The following ACTR1B variants were observed in gnomAD, a reference collection of about 807,000 sequenced individuals.
ACTR1B encodes the protein beta-centractin.
ACTR1B carries 34 observed loss-of-function variants against 49.4 expected under a neutral mutation model. The ratio of observed to expected loss-of-function variants is 0.69; its 90% CI spans 0.52 to 0.92. ACTR1B has a LOEUF of 0.92. Among genes scored for constraint, ACTR1B ranks in the 40% least tolerant of loss-of-function variants. The pLI, the probability that ACTR1B is intolerant of heterozygous loss-of-function variation, is 0.00. For synonymous variants in ACTR1B, 207 were observed against 207.8 expected, an observed-to-expected ratio of 1.00 and a Z score of 0.03; for missense variants, 471 against 522.4, an observed-to-expected ratio of 0.90 and a Z score of 0.96.
At chr2:97,657,585 G>T in intron 8 of ACTR1B, 76 bp from the exon 9 acceptor site, 1 of 1,458,592 alleles carries the variant, frequency 6.9e-7, no homozygotes. Context: ...CCAGCCTTCA[G>T]GGCCCCCAGC....
At chr2:97,660,272 C>T (rs759415125) in intron 3 of ACTR1B, among the ~76,000 whole-genome samples, 7 of 152,238 alleles carry the variant, frequency 4.6e-5, no homozygotes, top group African/African-American at 1.4e-4. Flanking sequence ...GGCCCCATGG[C>T]CCTCATTAGA....
At chr2:97,657,563 T>C (rs1175279178) in intron 8 of ACTR1B, 54 bp from the exon 9 acceptor site, 23 of 1,577,728 alleles carry the variant, frequency 1.5e-5, no homozygotes, top group Non-Finnish European at 1.7e-5. Flanking sequence ...TCCTCGCTGC[T>C]AGCTCCCGCA....
At chr2:97,660,426 A>G (rs1200742756) in intron 3 of ACTR1B, 145 bp downstream of exon 3, 3 of 740,110 alleles carry the variant, frequency 4.1e-6, no homozygotes, top group Non-Finnish European at 7.0e-6. Flanking sequence ...GCCCCATCTC[A>G]GGGGGAGGTG....
chr2:97,657,542 T>C (rs1286738333), intron 8 of ACTR1B, 33 bp from the exon 9 acceptor site: 1 of 1,611,396 alleles, frequency 6.2e-7, no homozygotes, highest in African/African-American at 1.3e-5. Flanking sequence ...GCCTGGGGTC[T>C]GCACCCGGCC....
At chr2:97,660,972 G>A (rs1208110963) in intron 2 of ACTR1B, among the ~76,000 whole-genome samples, 2 of 152,170 alleles carry the variant, frequency 1.3e-5, no homozygotes, top group African/African-American at 2.4e-5. Flanking sequence ...TCCTGACTTC[G>A]GTGGGGCAGG....
Position 97,658,111 on chromosome 2 carries a change from GC to G in ACTR1B, c.756del (p.Pro253LeufsTer66). The G allele has an allele frequency of 6.2e-7, 1 of 1,613,914 alleles. No individual in the cohort carries two copies. The highest frequency in any genetic ancestry group is 8.5e-7 in the Non-Finnish European group (1 of 1,180,022). On this transcript the variant is annotated frameshift_variant, in exon 8 of 11. Coordinates refer to ENST00000289228, the MANE Select transcript of ACTR1B (RefSeq NM_005735.4). LOFTEE classifies it high-confidence loss of function. This position sits in a 1 kb window ranked among gnomAD's most constrained non-coding sequence, Gnocchi z 5.9. ...AGCTCGGGGGCCCGGAATCGTGCAGGCCCCACCTTTAGTGTACAAGATTGAG... is the reference window on the plus strand; with the variant it reads ...AGCTCGGGGGCCCGGAATCGTGCAGGCCCACCTTTAGTGTACAAGATTGAG... The part of the protein sequence containing the change: ...TLPDGSTLDV[G>X]PARFRAPELL...
chr2:97,659,325 A>G lies in ACTR1B; in HGVS notation c.315+27T>C, dbSNP rs762989349. 1.9e-6 allele frequency: 3 copies of G among 1,613,448 alleles called. No individual in the cohort carries two copies. The highest frequency in any genetic ancestry group is 2.5e-6 in the Non-Finnish European group (3 of 1,179,920). Reference sequence around the variant, plus strand: ...GAGGGGCATGGCCAGGAGAATGCAGAGCATGCAGGAGGGGCAGCCGCCACA... The same window carrying G: ...GAGGGGCATGGCCAGGAGAATGCAGGGCATGCAGGAGGGGCAGCCGCCACA... On this transcript the variant is annotated intron_variant, in intron 4 of 10. Transcript: ENST00000289228. This position sits in a 1 kb window ranked among gnomAD's most constrained non-coding sequence, Gnocchi z 4.0.
chr2:97,657,362 C>G, intron 9 of ACTR1B, 86 bp downstream of exon 9: 1 of 1,516,840 alleles, frequency 6.6e-7, no homozygotes, highest in Non-Finnish European at 9.2e-7. Context: ...AGCTGGTGAG[C>G]GGGTCTGGGG....
In ACTR1B at chr2:97,657,269, C is replaced by T. The variant is rs1674869631; in HGVS notation, c.988-77G>A. 4 of 1,582,070 alleles carry T rather than the reference C, an allele frequency of 2.5e-6. No homozygotes were observed. The South Asian group carries it at 4.5e-5, about 18-fold the overall frequency. On this transcript the variant is annotated intron_variant, in intron 9 of 10. Transcript: ENST00000289228. The stretch of plus-strand genomic sequence containing the variant: ...CCTCCCAGCCTTGGGGTCACCTTCC[C>T]CAGGTCCTGAAGCCTGACAGCAAAG...
intron 8 of ACTR1B, 23 bp from the exon 9 acceptor site, chr2:97,657,532 G>A: frequency 6.2e-7 from 1 of 1,613,960 alleles, no homozygotes; most frequent in Non-Finnish European, 8.5e-7. Flanking sequence ...AGCTGGCTGA[G>A]CCTGGGGTCT....
At chr2:97,657,257 G>C in intron 9 of ACTR1B, 65 bp from the exon 10 acceptor site, 1 of 1,593,278 alleles carries the variant, frequency 6.3e-7, no homozygotes, top group South Asian at 1.1e-5. Flanking sequence ...CCCAGCCTTG[G>C]GGTCACCTTC....
rs774772593 is a variant in ACTR1B, at chr2:97,656,820, C to T, written c.*38G>A. 17 of 1,510,066 alleles carry T rather than the reference C, an allele frequency of 1.1e-5. No homozygotes were observed. In the Admixed American group the frequency reaches 2.7e-4, roughly 24 times the overall value. 93.5% of individuals were successfully genotyped at this position (1,510,066 alleles called of 1,614,324 possible). A position where few individuals can be genotyped will look rare whatever the true frequency, so the allele number is the denominator to read the frequency against. On this transcript the variant is annotated 3_prime_UTR_variant, in exon 11 of 11. Transcript: ENST00000289228. ...AGGGTTAAAGGCTCTGTCTCCCCTC[C>T]CTCCCCCTCTCCCAACATGCCCCGC... is the stretch of plus-strand genomic sequence containing the variant.
chr2:97,661,940 C>G lies in ACTR1B; in HGVS notation c.55G>C (p.Gly19Arg). The G allele has an allele frequency of 6.3e-7, 1 of 1,590,776 alleles. No homozygotes were observed. Among genetic ancestry groups the G allele is most frequent in the Non-Finnish European group, 8.6e-7 (1 of 1,166,614 alleles). ...CCTGCAAAGCCAGCTTTAATCACCC[C>G]CGAACCCTGCAAGGAAAAACAAAGT... ...NQPVVIDNGS[G>R]VIKAGFAGDQ... Residue 19 changes from glycine (G) to arginine (R), a missense_variant, in exon 2 of 11, where the codon GGG (glycine) becomes CGG (arginine). By Grantham distance (125) the Gly-to-Arg change is moderately radical. Transcript: ENST00000289228.
chr2:97,660,906 T>A (rs1195214199), intron 2 of ACTR1B, among the ~76,000 whole-genome samples: 1 of 152,142 alleles, frequency 6.6e-6, no homozygotes, highest in Non-Finnish European at 1.5e-5. Flanking sequence ...CAGCCCTCCA[T>A]GGCCCAGCCC....
At position 97,660,587 on chromosome 2, in the gene ACTR1B, A is replaced by G. The variant is rs1559290157; in HGVS notation, c.173T>C (p.Ile58Thr). ...CGGTGTTACCTCTGCTTTTGGTCCG[A>G]TGAAGAGGTCCCCCTCCAGGGCTCC... The part of the protein sequence containing the change: ...MAGALEGDLF[I>T]GPKAEEHRGL... The change falls in exon 3 of 11, where the codon ATC becomes ACC. Residue 58 changes from isoleucine (I) to threonine (T), a missense_variant. Ile to Thr is a moderately conservative substitution (Grantham distance 89, BLOSUM62 -1). Transcript: ENST00000289228. 1 of 1,614,090 alleles carries G rather than the reference A, an allele frequency of 6.2e-7. No individual in the cohort carries two copies. The highest frequency in any genetic ancestry group is 2.2e-5 in the East Asian group (1 of 44,874).
chr2:97,658,592 GA>G lies in ACTR1B; in HGVS notation c.491del (p.Val164AlafsTer155). ...CCTCATAGATGGGCACAGCATGAGT[GA>G]CCCCGTCCCCTGAGTCTAGAACCAC... Reference protein sequence around the residue: ...TGVVLDSGDGVTHAVPIYEGF... With the variant: ...TGVVLDSGDGXTHAVPIYEGF... On this transcript the variant is annotated frameshift_variant, in exon 6 of 11. Coordinates refer to ENST00000289228, the MANE Select transcript of ACTR1B (RefSeq NM_005735.4). LOFTEE classifies it high-confidence loss of function. The surrounding 1 kb of genome is among the most constrained non-coding windows in gnomAD (Gnocchi z 5.9). 1 of 1,614,074 alleles carries G rather than the reference GA, an allele frequency of 6.2e-7. No individual in the cohort carries two copies. Among genetic ancestry groups the G allele is most frequent in the Non-Finnish European group, 8.5e-7 (1 of 1,180,018 alleles).
rs1471422174 is a variant in ACTR1B at position 97,663,689 on chromosome 2, C to A, written c.48+154G>T. On this transcript the variant is annotated intron_variant, in intron 1 of 10. Transcript: ENST00000289228. ...GGCCGGCCTTACAAGGCCAAGAGGG[C>A]GCGCGCCCCCGGGGCGAAGCCAGCG... Among the ~76,000 whole-genome samples, 8 of 151,656 alleles carry A rather than the reference C, an allele frequency of 5.3e-5. No homozygotes were observed. The South Asian group carries it at 8.3e-4, about 16-fold the overall frequency.
intron 1 of ACTR1B, among the ~76,000 whole-genome samples, 190 bp downstream of exon 1, chr2:97,663,653 G>C (rs1241065192): frequency 6.6e-6 from 1 of 151,846 alleles, no homozygotes; most frequent in Non-Finnish European, 1.5e-5. Flanking sequence ...GGGCGAGGGG[G>C]CTCGCCCCAT....
intron 8 of ACTR1B, 86 bp from the exon 9 acceptor site, chr2:97,657,595 C>G: frequency 7.5e-7 from 1 of 1,341,414 alleles, no homozygotes; most frequent in Non-Finnish European, 1.1e-6. Flanking sequence ...GGGCCCCCAG[C>G]TACTGCTGGT....
Sources: gnomAD v4.1 joint callset for allele counts (sites outside exome capture counted in the v4.1 genomes callset) on GRCh38, gnomAD v4.1.1 for gene constraint, Gnocchi (gnomAD v3.1) non-coding constraint, MANE v1.5 for transcripts, NCBI Gene and HGNC (gene_info 2026-07-23, HGNC 2026-07-21) for gene names.